Variants in LCP2 observed in about 807,000 individuals in gnomAD.
LCP2 encodes the protein 76 kDa tyrosine phosphoprotein.
In LCP2, 29 loss-of-function variants were observed where a neutral mutation model predicts 74.5. That is an observed-to-expected ratio of 0.39 (90% CI 0.29 to 0.53). LCP2 has a LOEUF of 0.53. Among genes scored for constraint, LCP2 ranks in the 20% least tolerant of loss-of-function variants. LCP2 has a pLI of 0.72. For synonymous variants in LCP2, 228 were observed against 229.5 expected (o/e 0.99, Z 0.06); for missense variants, 604 against 634.6 (o/e 0.95, Z 0.52).
At chr5:170,259,622 T>C (rs1373810223) in intron 14 of LCP2, among the ~76,000 whole-genome samples, 1 of 152,222 alleles carries the variant, frequency 6.6e-6, no homozygotes, top group East Asian at 1.9e-4. Flanking sequence ...ACAGCATCTT[T>C]CTCAAAGTGT....
intron 6 of LCP2, among the ~76,000 whole-genome samples, chr5:170,272,594 T>C (rs1017169468): frequency 7.4e-6 from 1 of 135,166 alleles, no homozygotes; most frequent in African/African-American, 3.1e-5. Flanking sequence ...CATCAAATAT[T>C]TTCTTTTTTT....
chr5:170,261,147 AT>A lies in LCP2; in HGVS notation c.927-11del. On this transcript the variant is annotated splice_polypyrimidine_tract_variant and intron_variant, in intron 13 of 20. Transcript: ENST00000046794. ...TGGTCCCCATCCATGCCTGAAATGA[AT>A]TAGGGCAAATAAAAAGAACTGAGCA... 6.3e-7 allele frequency: 1 copy of A among 1,593,672 alleles called. No individual in the cohort carries two copies. The highest frequency in any genetic ancestry group is 8.6e-7 in the Non-Finnish European group (1 of 1,162,094).
intron 2 of LCP2, among the ~76,000 whole-genome samples, chr5:170,289,617 T>TTCTC (rs1350461834): frequency 3.3e-5 from 4 of 122,136 alleles, no homozygotes; most frequent in East Asian, 2.4e-4. Flanking sequence ...CTTTCTTTCT[T>TTCTC]TTTCTTTCTT....
At chr5:170,290,795 G>A (rs962113463) in intron 2 of LCP2, among the ~76,000 whole-genome samples, 3 of 152,144 alleles carry the variant, frequency 2.0e-5, no homozygotes, top group African/African-American at 7.2e-5. Flanking sequence ...GGGGTCACAT[G>A]CCTTCCCAAC....
intron 3 of LCP2, among the ~76,000 whole-genome samples, chr5:170,278,248 C>T (rs2113194522): frequency 6.9e-6 from 1 of 144,676 alleles, no homozygotes; most frequent in African/African-American, 2.6e-5. Context: ...AACAAAGATC[C>T]CTGCTAGTGG....
intron 2 of LCP2, 57 bp from the exon 3 acceptor site, chr5:170,288,073 A>T: frequency 1.3e-6 from 2 of 1,540,648 alleles, no homozygotes; most frequent in Non-Finnish European, 1.8e-6. Flanking sequence ...GGCTCTGAGC[A>T]GGAGGGGAAG....
rs150173582 is a variant in LCP2 at position 170,267,127 on chromosome 5, C to T, written c.622-52G>A. Reference sequence around the variant, plus strand: ...GCACTTCCAATACATCAGCAAGAGCCGGCACTCCCAAAACCTGTCTGGATC... The same window carrying T: ...GCACTTCCAATACATCAGCAAGAGCTGGCACTCCCAAAACCTGTCTGGATC... On this transcript the variant is annotated intron_variant, in intron 8 of 20. Coordinates refer to ENST00000046794, the MANE Select transcript of LCP2 (RefSeq NM_005565.5). The T allele has an allele frequency of 5.7e-6, 9 of 1,572,130 alleles. No individual in the cohort carries two copies. In the Admixed American group the frequency reaches 1.2e-4, roughly 20 times the overall value.
At chr5:170,288,091 C>A in intron 2 of LCP2, 75 bp from the exon 3 acceptor site, 1 of 1,455,132 alleles carries the variant, frequency 6.9e-7, no homozygotes, top group Non-Finnish European at 9.6e-7. Context: ...AAGAGTGATA[C>A]GTGAAACAAT....
At chr5:170,277,476 G>A (rs770408170) in intron 3 of LCP2, among the ~76,000 whole-genome samples, 9 of 152,078 alleles carry the variant, frequency 5.9e-5, no homozygotes, top group African/African-American at 9.7e-5. Context: ...GGCTGGGCGC[G>A]GTGGCTCACG....
Position 170,258,127 on chromosome 5 carries a change from A to T in LCP2, c.1010T>A (p.Met337Lys), listed in dbSNP as rs377224127. The T allele has an allele frequency of 9.9e-6, 16 of 1,613,796 alleles. No individual in the cohort carries two copies. The African/African-American group carries it at 2.0e-4, about 20-fold the overall frequency. ...RPLPQPALLPMSSNTFPSRST... is the reference protein window; with the variant it reads ...RPLPQPALLPKSSNTFPSRST... ...TCTTGAAGGGAAAGTGTTGGAGCTC[A>T]TAGGAAGTAGTGCTGGCTGGGGCAA... The change falls in exon 16 of 21, where the codon ATG (methionine) becomes AAG (lysine). Residue 337 changes from methionine (M) to lysine (K), a missense_variant. By Grantham distance (95) the Met-to-Lys change is moderately conservative. Coordinates refer to ENST00000046794, the MANE Select transcript of LCP2 (RefSeq NM_005565.5).
chr5:170,282,769 G>C (rs536691025), intron 3 of LCP2, among the ~76,000 whole-genome samples: 1 of 152,174 alleles, frequency 6.6e-6, no homozygotes, highest in Admixed American at 6.5e-5. Flanking sequence ...GCTGAGGCTC[G>C]GAGAGCTGAG....
At position 170,275,367 on chromosome 5, in the gene LCP2, G is replaced by T; in HGVS notation, c.255-16C>A. 6.2e-7 allele frequency: 1 copy of T among 1,613,874 alleles called. No homozygotes were observed. Among genetic ancestry groups the T allele is most frequent in the South Asian group, 1.1e-5 (1 of 91,078 alleles). On this transcript the variant is annotated splice_polypyrimidine_tract_variant and intron_variant, in intron 4 of 20. Coordinates refer to ENST00000046794, the MANE Select transcript of LCP2 (RefSeq NM_005565.5). ...GACTTGGGGTCTGCAAAGGTAAATA[G>T]CACTGCATTAATGGTCTTCTCGATT...
At chr5:170,281,969 T>C (rs1762113341) in intron 3 of LCP2, among the ~76,000 whole-genome samples, 1 of 152,242 alleles carries the variant, frequency 6.6e-6, no homozygotes, top group Non-Finnish European at 1.5e-5. Context: ...TGAACGTGTA[T>C]TCGTGTATTC....
Position 170,268,502 on chromosome 5 carries a change from T to A in LCP2, c.524-20A>T. On this transcript the variant is annotated intron_variant, in intron 7 of 20. Transcript: ENST00000046794. ...GCCGGTCTGTGGAAACACAAGGTTA[T>A]TAAAGTGAAAGGGGAGTATCGGCCA... 4.1e-6 allele frequency: 1 copy of A among 245,632 alleles called. No homozygotes were observed. Among genetic ancestry groups the A allele is most frequent in the South Asian group, 4.5e-5 (1 of 22,056 alleles). The allele number at this position is 245,632 out of a possible 1,614,324, so 15.2% of individuals were successfully genotyped here. A position where few individuals can be genotyped will look rare whatever the true frequency, so the allele number is the denominator to read the frequency against.
Position 170,270,901 on chromosome 5 carries a change from T to C in LCP2, c.341A>G (p.Glu114Gly). 1 of 1,612,260 alleles carries C rather than the reference T, an allele frequency of 6.2e-7. No homozygotes were observed. Among genetic ancestry groups the C allele is most frequent in the Middle Eastern group, 1.6e-4 (1 of 6,062 alleles). ...GWSSFEEDDY[E>G]SPNDDQDGED... is the part of the protein sequence containing the mutation. ...CCCATCCTGGTCATCATTGGGACTT[T>C]CATAATCGTCTTCTTCCTGCCCACA... Residue 114 changes from glutamate (E) to glycine (G), a missense_variant, in exon 7 of 21, where the codon GAA becomes GGA. Physicochemically the swap from Glu to Gly is moderately conservative, Grantham distance 98 (BLOSUM62 -2). Coordinates refer to ENST00000046794, the MANE Select transcript of LCP2 (RefSeq NM_005565.5).
rs765159042 is a variant in LCP2 at position 170,293,340 on chromosome 5, C to G, written c.111G>C (p.Lys37Asn). The change falls in exon 2 of 21, where the codon AAG becomes AAC. Residue 37 changes from lysine (K) to asparagine (N), a missense_variant. Lys to Asn is a moderately conservative substitution (Grantham distance 94). Coordinates refer to ENST00000046794, the MANE Select transcript of LCP2 (RefSeq NM_005565.5). ...LNYKDCEKAV[K>N]KYHIDGARFL... is the part of the protein sequence containing the mutation. ...AGCGAGCCCCATCGATGTGGTACTT[C>G]TTCACTGCCTTCTCACAGTCCTTAT... 4.4e-6 allele frequency: 7 copies of G among 1,605,730 alleles called. No homozygotes were observed. Among genetic ancestry groups the G allele is most frequent in the Non-Finnish European group, 5.1e-6 (6 of 1,175,936 alleles).
At chr5:170,265,188 C>T (rs949005769) in intron 10 of LCP2, among the ~76,000 whole-genome samples, 2 of 151,952 alleles carry the variant, frequency 1.3e-5, no homozygotes, top group Middle Eastern at 3.4e-3. Flanking sequence ...GGGGTTTCAC[C>T]GTGTTAGCCA....
intron 17 of LCP2, among the ~76,000 whole-genome samples, chr5:170,254,037 T>A (rs979640811): frequency 4.6e-5 from 7 of 152,334 alleles, no homozygotes; most frequent in Non-Finnish European, 8.8e-5. Flanking sequence ...TATTTAACCA[T>A]CATTCATTCA....
rs772836771 is a variant in LCP2 at position 170,250,859 on chromosome 5, G to A, written c.1350C>T (p.Ser450=). Residue 450 remains serine, a synonymous_variant, in exon 20 of 21, where the codon AGC becomes AGT. Transcript: ENST00000046794. ...NQDGTFLVRD[S]SKKTTTNPYV... ...ATGGATTGGTTGTTGTTTTTTTAGA[G>A]CTGTCTCTGACCAGAAATGTGCCAT... is the stretch of plus-strand genomic sequence containing the variant. 3.1e-6 allele frequency: 5 copies of A among 1,613,438 alleles called. No individual in the cohort carries two copies. The Admixed American group carries it at 6.7e-5, about 22-fold the overall frequency.
Sources: allele counts gnomAD v4.1 joint callset (sites outside exome capture counted in the v4.1 genomes callset), GRCh38; gene constraint gnomAD v4.1.1; transcripts MANE v1.5; gene names NCBI Gene and HGNC (gene_info 2026-07-23, HGNC 2026-07-21).